Variants in TENT4A observed in about 807,000 individuals in gnomAD.
TENT4A encodes the protein DNA polymerase kappa.
TENT4A carries 7 observed loss-of-function variants against 72.8 expected under a neutral mutation model. The observed-to-expected ratio is 0.10, with a 90% CI of 0.05 to 0.18. TENT4A has a LOEUF of 0.18. TENT4A is among the 10% of genes least tolerant of loss of function. The pLI is 1.00. For synonymous variants in TENT4A, 456 were observed against 434.3 expected (o/e 1.05, Z -0.62); for missense variants, 831 against 1,017.7 (o/e 0.82, Z 2.50).
In TENT4A at chr5:6,714,758, C is replaced by T. The variant is rs890621656; in HGVS notation, c.716+59C>T. On this transcript the variant is annotated intron_variant, in intron 1 of 12. Coordinates refer to ENST00000230859, the MANE Select transcript of TENT4A (RefSeq NM_006999.6). ...GGGGCCCATGGTCCTGGCCGGCGCCCGCGGTGCAGACACCCGTCCCAGGCG... is the reference window on the plus strand; with the variant it reads ...GGGGCCCATGGTCCTGGCCGGCGCCTGCGGTGCAGACACCCGTCCCAGGCG... 4 of 1,000,968 alleles carry T rather than the reference C, an allele frequency of 4.0e-6. No homozygotes were observed. In the African/African-American group the frequency reaches 5.1e-5, roughly 13 times the overall value. 62.0% of individuals were successfully genotyped at this position (1,000,968 alleles called of 1,614,324 possible).
At chr5:6,747,425 A>G (rs1742164738) in intron 7 of TENT4A, among the ~76,000 whole-genome samples, 1 of 152,122 alleles carries the variant, frequency 6.6e-6, no homozygotes, top group Admixed American at 6.5e-5. Context: ...CTATACATTT[A>G]AAAAAACACC....
At chr5:6,749,700 G>C in intron 9 of TENT4A, 43 bp downstream of exon 9, 1 of 1,241,464 alleles carries the variant, frequency 8.1e-7, no homozygotes, top group Non-Finnish European at 1.2e-6. Flanking sequence ...CCACTGGCTG[G>C]CATGTTCATG....
In TENT4A at chr5:6,751,128, C is replaced by T. The variant is rs757866559; in HGVS notation, c.1950C>T (p.Ala650=). 6.2e-7 allele frequency: 1 copy of T among 1,614,242 alleles called. No homozygotes were observed. Among genetic ancestry groups the T allele is most frequent in the South Asian group, 1.1e-5 (1 of 91,086 alleles). Residue 650 remains alanine (A), a synonymous_variant, in exon 11 of 13, where the codon GCC becomes GCT. Transcript: ENST00000230859. ...CTCTCATGGCCGGCTTACCCACCGCCTTGCCAATGCCCAGTGGCAAACCTC... is the reference window on the plus strand; with the variant it reads ...CTCTCATGGCCGGCTTACCCACCGCTTTGCCAATGCCCAGTGGCAAACCTC... The part of the protein sequence containing the change: ...PAPLMAGLPT[A]LPMPSGKPQP...
rs896531403 is a variant in TENT4A, at chr5:6,737,710, G to A, written c.840+77G>A. Reference sequence around the variant, plus strand: ...AAATACCCTGTGATGATGATGTGTCGGCTAGATCCACACAGACCTTTTCTC... The same window carrying A: ...AAATACCCTGTGATGATGATGTGTCAGCTAGATCCACACAGACCTTTTCTC... On this transcript the variant is annotated intron_variant, in intron 2 of 12. Transcript: ENST00000230859. 5.1e-5 allele frequency: 75 copies of A among 1,478,634 alleles called. No individual in the cohort carries two copies. The African/African-American group carries it at 8.7e-4, about 17-fold the overall frequency. 91.6% of individuals were successfully genotyped at this position (1,478,634 alleles called of 1,614,324 possible).
At chr5:6,717,843 A>G (rs1740462290) in intron 1 of TENT4A, among the ~76,000 whole-genome samples, 1 of 152,312 alleles carries the variant, frequency 6.6e-6, no homozygotes, top group South Asian at 2.1e-4. Flanking sequence ...TTACTTTGTC[A>G]TGGTCGTTCT....
intron 1 of TENT4A, among the ~76,000 whole-genome samples, chr5:6,733,364 T>TG (rs991822130): frequency 8.7e-4 from 133 of 152,348 alleles, no homozygotes; most frequent in African/African-American, 3.0e-3. Context: ...ATGGCATGCC[T>TG]GGGGGGCAGC....
chr5:6,729,700 G>T (rs1012307599), intron 1 of TENT4A, among the ~76,000 whole-genome samples: 2 of 152,198 alleles, frequency 1.3e-5, no homozygotes, highest in Admixed American at 6.5e-5. Flanking sequence ...TTCAGAGTCT[G>T]TGGGCCCTTG....
At chr5:6,721,945 A>G (rs769984573) in intron 1 of TENT4A, among the ~76,000 whole-genome samples, 84 of 152,280 alleles carry the variant, frequency 5.5e-4, no homozygotes, top group Non-Finnish European at 5.7e-4. Flanking sequence ...TCATTGTAAC[A>G]TTTCTGGAAT....
intron 7 of TENT4A, 50 bp downstream of exon 7, chr5:6,746,477 C>T (rs757760540): frequency 8.3e-6 from 13 of 1,564,110 alleles, no homozygotes; most frequent in Admixed American, 1.7e-5. Flanking sequence ...GCCTCGGGGA[C>T]GTGCTGGTGA....
At chr5:6,715,116 G>C (rs940716111) in intron 1 of TENT4A, 4 of 153,634 alleles carry the variant, frequency 2.6e-5, no homozygotes, top group African/African-American at 9.6e-5. Context: ...GAATCACGTC[G>C]AAGGTAAATA....
At chr5:6,752,119 G>A (rs968869042) in intron 11 of TENT4A, among the ~76,000 whole-genome samples, 5 of 152,240 alleles carry the variant, frequency 3.3e-5, no homozygotes, top group Admixed American at 6.5e-5. Context: ...GGTCATCACA[G>A]TGGCCCTGAC....
intron 6 of TENT4A, among the ~76,000 whole-genome samples, chr5:6,744,755 C>G (rs777579923): frequency 6.6e-6 from 1 of 152,206 alleles, no homozygotes; most frequent in Non-Finnish European, 1.5e-5. Context: ...TTCACTTTCC[C>G]CTCTGAGATG....
At position 6,734,809 on chromosome 5, in the gene TENT4A, T is replaced by C. The variant is rs141299487; in HGVS notation, c.717-2701T>C. 2.0e-5 allele frequency among the ~76,000 whole-genome samples: 3 copies of C among 152,284 alleles called. No individual in the cohort carries two copies. In the East Asian group the frequency reaches 5.8e-4, roughly 29 times the overall value. On this transcript the variant is annotated intron_variant, in intron 1 of 12. Transcript: ENST00000230859. ...ATGCCTCGCCATTAATCTCTCCTGA[T>C]TTAGGGGAGGAATACCAGGCCACCC... is the stretch of plus-strand genomic sequence containing the variant.
chr5:6,746,960 G>A (rs1372077143), intron 7 of TENT4A, among the ~76,000 whole-genome samples: 1 of 152,202 alleles, frequency 6.6e-6, no homozygotes, highest in Non-Finnish European at 1.5e-5. Context: ...CTAAGGCTGG[G>A]CTAGAGGTTT....
chr5:6,742,669 T>G, intron 5 of TENT4A, 72 bp downstream of exon 5: 1 of 826,402 alleles, frequency 1.2e-6, no homozygotes, highest in Non-Finnish European at 2.2e-6. Context: ...CATCCTACGA[T>G]GTTTACAGCT....
At chr5:6,716,056 G>GA (rs1377402233) in intron 1 of TENT4A, among the ~76,000 whole-genome samples, 1 of 152,108 alleles carries the variant, frequency 6.6e-6, no homozygotes, top group Admixed American at 6.5e-5. Flanking sequence ...CTTAGCACTA[G>GA]AAAAAACAGG....
chr5:6,747,292 C>T (rs1041782945), intron 7 of TENT4A, among the ~76,000 whole-genome samples: 1 of 152,132 alleles, frequency 6.6e-6, no homozygotes, highest in Non-Finnish European at 1.5e-5. Flanking sequence ...TGCTGTCCGC[C>T]CGGTTGCTGG....
chr5:6,739,608 G>C, intron 3 of TENT4A, 124 bp from the exon 4 acceptor site: 2 of 1,164,260 alleles, frequency 1.7e-6, no homozygotes, highest in Non-Finnish European at 2.5e-6. Context: ...CCATAGGCTA[G>C]TGGGATTGTG....
chr5:6,714,010 G>T lies in TENT4A; in HGVS notation c.27G>T (p.Gln9His). The T allele has an allele frequency of 1.0e-6, 1 of 983,204 alleles. No homozygotes were observed. The highest frequency in any genetic ancestry group is 1.2e-6 in the Non-Finnish European group (1 of 829,696). 60.9% of individuals were successfully genotyped at this position (983,204 alleles called of 1,614,324 possible). The change falls in exon 1 of 13, where the codon CAG (glutamine) becomes CAT (histidine). Residue 9 changes from glutamine to histidine, a missense_variant. Coordinates refer to ENST00000230859, the MANE Select transcript of TENT4A (RefSeq NM_006999.6). MDPRVAWI[Q>H]PEQKGPANAL... ...TGGATCCGCGCGTGGCCTGGATCCA[G>T]CCCGAGCAGAAGGGGCCGGCCAATG... is the stretch of plus-strand genomic sequence containing the variant.
Sources: allele counts gnomAD v4.1 joint callset (sites outside exome capture counted in the v4.1 genomes callset), GRCh38; gene constraint gnomAD v4.1.1; transcripts MANE v1.5; gene names NCBI Gene and HGNC (gene_info 2026-07-23, HGNC 2026-07-21).